The following ANKFY1 variants were observed in gnomAD, a reference collection of about 807,000 sequenced individuals.
The protein encoded by ANKFY1 is ankyrin repeat and FYVE domain-containing protein 1.
In ANKFY1, 47 loss-of-function variants were observed where a neutral mutation model predicts 128.3. The observed-to-expected ratio is 0.37, with a 90% CI of 0.29 to 0.47. The LOEUF (loss-of-function observed/expected upper bound fraction) is 0.47, where lower values mean the gene tolerates loss of function less well. Among genes scored for constraint, ANKFY1 ranks in the 20% least tolerant of loss-of-function variants. The pLI, the probability that ANKFY1 is intolerant of heterozygous loss-of-function variation, is 1.00. For missense variants in ANKFY1, 1,222 were observed against 1,510.6 expected (o/e 0.81, Z 3.17); for synonymous variants, 553 against 601.6 (o/e 0.92, Z 1.18).
At chr17:4,203,213 A>C (rs1256364123) in intron 7 of ANKFY1, among the ~76,000 whole-genome samples, 2 of 152,190 alleles carry the variant, frequency 1.3e-5, no homozygotes, top group Non-Finnish European at 2.9e-5. Flanking sequence ...AAGATTTCAA[A>C]TCATCAGAAA....
chr17:4,235,998 A>G (rs1275102231), intron 2 of ANKFY1, 108 bp from the exon 3 acceptor site: 2 of 753,496 alleles, frequency 2.7e-6, no homozygotes, highest in Non-Finnish European at 4.4e-6. Flanking sequence ...TACATCTGCA[A>G]AAGAAAAAAT....
chr17:4,229,767 C>T (rs1186411675), intron 3 of ANKFY1, among the ~76,000 whole-genome samples: 2 of 152,198 alleles, frequency 1.3e-5, no homozygotes, highest in African/African-American at 4.8e-5. Context: ...TTTGAGTGTC[C>T]TCATGACATG....
intron 3 of ANKFY1, chr17:4,223,370 G>A: frequency 6.3e-7 from 1 of 1,589,692 alleles, no homozygotes; most frequent in Non-Finnish European, 8.6e-7. Context: ...TATTCAGATT[G>A]CCTGTGGAAT....
chr17:4,200,898 T>C (rs867582135), intron 7 of ANKFY1, among the ~76,000 whole-genome samples: 7 of 152,320 alleles, frequency 4.6e-5, no homozygotes, highest in African/African-American at 7.2e-5. Context: ...AGTCTGAATA[T>C]CTAGAATGGG....
At chr17:4,258,701 T>A (rs956728174) in intron 1 of ANKFY1, among the ~76,000 whole-genome samples, 2 of 152,132 alleles carry the variant, frequency 1.3e-5, no homozygotes, top group African/African-American at 4.8e-5. Flanking sequence ...GGCTACTGAG[T>A]ACTTGGAATA....
intron 3 of ANKFY1, among the ~76,000 whole-genome samples, chr17:4,224,228 T>G (rs1401373616): frequency 1.2e-4 from 16 of 134,484 alleles, no homozygotes; most frequent in Non-Finnish European, 2.4e-4. Context: ...TTTTTTTTTT[T>G]TTTTTTTTTT....
chr17:4,213,167 C>T (rs1423140357), intron 4 of ANKFY1, among the ~76,000 whole-genome samples: 2 of 152,110 alleles, frequency 1.3e-5, no homozygotes, highest in Non-Finnish European at 2.9e-5. Flanking sequence ...AATGCAGGCA[C>T]CTGCTTTACA....
At chr17:4,250,147 C>T (rs1211425608) in intron 1 of ANKFY1, among the ~76,000 whole-genome samples, 2 of 152,170 alleles carry the variant, frequency 1.3e-5, no homozygotes, top group African/African-American at 4.8e-5. Context: ...TGCAGACCTA[C>T]ATCTGAACTT....
chr17:4,262,677 A>C (rs1598167697), intron 1 of ANKFY1, among the ~76,000 whole-genome samples: 1 of 151,896 alleles, frequency 6.6e-6, no homozygotes, highest in African/African-American at 2.4e-5. Context: ...AGCCCAGGAG[A>C]CTGAAGCTAC....
intron 4 of ANKFY1, among the ~76,000 whole-genome samples, chr17:4,215,303 A>AC (rs1463357210): frequency 6.6e-6 from 1 of 151,512 alleles, no homozygotes; most frequent in African/African-American, 2.4e-5. Flanking sequence ...AAAAAAAAAA[A>AC]AATTAAGAGT....
At chr17:4,235,492 C>T (rs757255368) in intron 3 of ANKFY1, among the ~76,000 whole-genome samples, 16 of 151,848 alleles carry the variant, frequency 1.1e-4, no homozygotes, top group Non-Finnish European at 2.1e-4. Flanking sequence ...AATGAGTGTA[C>T]GGAAAAACAC....
intron 1 of ANKFY1, among the ~76,000 whole-genome samples, chr17:4,248,555 T>C (rs1382319314): frequency 6.6e-6 from 1 of 152,234 alleles, no homozygotes; most frequent in East Asian, 1.9e-4. Flanking sequence ...TCTGGTTTAG[T>C]AAGGCTTACC....
At chr17:4,216,286 A>G (rs1263781518) in intron 4 of ANKFY1, among the ~76,000 whole-genome samples, 1 of 152,212 alleles carries the variant, frequency 6.6e-6, no homozygotes, top group Non-Finnish European at 1.5e-5. Flanking sequence ...TATGCACCCA[A>G]GGGAATACAA....
chr17:4,227,303 T>C (rs1024056357), intron 3 of ANKFY1, among the ~76,000 whole-genome samples: 8 of 152,168 alleles, frequency 5.3e-5, no homozygotes, highest in Non-Finnish European at 7.4e-5. Flanking sequence ...TTGTAAAATT[T>C]TTAACAAAAT....
chr17:4,206,214 G>A (rs2060020722), intron 7 of ANKFY1, 107 bp downstream of exon 7: 1 of 1,220,486 alleles, frequency 8.2e-7, no homozygotes, highest in Admixed American at 1.9e-5. Flanking sequence ...TGTGAGTACA[G>A]ACTACAGAAG....
At chr17:4,251,432 C>G (rs1967822328) in intron 1 of ANKFY1, among the ~76,000 whole-genome samples, 1 of 151,262 alleles carries the variant, frequency 6.6e-6, no homozygotes, top group South Asian at 2.1e-4. Context: ...CCTGGGAAAC[C>G]CCATCTTCCT....
intron 7 of ANKFY1, among the ~76,000 whole-genome samples, chr17:4,202,326 G>A (rs1232182828): frequency 9.9e-5 from 15 of 151,226 alleles, no homozygotes; most frequent in African/African-American, 2.4e-4. Context: ...GCTTGAACCC[G>A]GGAGGCGGAG....
chr17:4,196,027 ACCCCCCCCACCAC>A (rs1327221870), intron 8 of ANKFY1, among the ~76,000 whole-genome samples: 1 of 9,874 alleles, frequency 1.0e-4, no homozygotes, highest in African/African-American at 4.5e-4. Flanking sequence ...CTACCCACCC[ACCCCCCCCACCAC>A]CCCCCACCCA....
At chr17:4,235,506 C>T (rs1169891177) in intron 3 of ANKFY1, among the ~76,000 whole-genome samples, 1 of 151,996 alleles carries the variant, frequency 6.6e-6, no homozygotes, top group Non-Finnish European at 1.5e-5. Context: ...AAAACACTTA[C>T]ATTTTATAAA....
Sources: allele counts gnomAD v4.1 joint callset (sites outside exome capture counted in the v4.1 genomes callset), GRCh38; gene constraint gnomAD v4.1.1; transcripts MANE v1.5; gene names NCBI Gene and HGNC (gene_info 2026-07-23, HGNC 2026-07-21).